Variants in RFX2 observed in about 807,000 individuals in gnomAD.
RFX2 encodes DNA-binding protein RFX2.
In RFX2, 20 loss-of-function variants were observed where a neutral mutation model predicts 87.8. That is an observed-to-expected ratio of 0.23 (90% CI 0.16 to 0.33). The LOEUF (loss-of-function observed/expected upper bound fraction) is 0.33, where lower values mean the gene tolerates loss of function less well. Among genes scored for constraint, RFX2 ranks in the 10% least tolerant of loss-of-function variants. The pLI, the probability that RFX2 is intolerant of heterozygous loss-of-function variation, is 1.00. For missense variants in RFX2, 767 were observed against 1,012.3 expected (o/e 0.76, Z 3.29); for synonymous variants, 397 against 431.3 (o/e 0.92, Z 0.98).
At chr19:6,043,288 C>T (rs640913) in intron 3 of RFX2, among the ~76,000 whole-genome samples, 2 of 152,222 alleles carry the variant, frequency 1.3e-5, no homozygotes, top group East Asian at 1.9e-4. Context: ...TGAGGCCCTG[C>T]GTCCCCGCTG....
chr19:6,108,112 C>T (rs960897775), intron 1 of RFX2, among the ~76,000 whole-genome samples: 2 of 152,212 alleles, frequency 1.3e-5, no homozygotes, highest in African/African-American at 4.8e-5. Context: ...TCATTCCCAA[C>T]CCAAGTCCGT....
chr19:6,015,295 G>T (rs1010986232), intron 7 of RFX2, among the ~76,000 whole-genome samples: 8 of 151,972 alleles, frequency 5.3e-5, no homozygotes, highest in African/African-American at 1.7e-4. Context: ...AGGCGTGCTG[G>T]TGGGGGCCCG....
intron 5 of RFX2, among the ~76,000 whole-genome samples, chr19:6,036,517 C>T (rs1011561092): frequency 1.3e-5 from 2 of 152,192 alleles, no homozygotes; most frequent in Admixed American, 1.3e-4. Flanking sequence ...AACACAGAGA[C>T]AAGGCTAAAC....
chr19:6,015,026 T>A (rs2086706532), intron 7 of RFX2, among the ~76,000 whole-genome samples: 1 of 152,166 alleles, frequency 6.6e-6, no homozygotes, highest in Admixed American at 6.5e-5. Flanking sequence ...TGTTTCTTTC[T>A]GTTAGAGGAG....
chr19:6,053,801 C>A (rs1223841723), intron 1 of RFX2, among the ~76,000 whole-genome samples: 1 of 151,756 alleles, frequency 6.6e-6, no homozygotes, highest in Non-Finnish European at 1.5e-5. Context: ...ACTAAAAACA[C>A]AAAAATGAGC....
At position 6,074,448 on chromosome 19, in the gene RFX2, G is replaced by A. The variant is rs2087657524; in HGVS notation, c.-8-26944C>T. On this transcript the variant is annotated intron_variant, in intron 1 of 17. Coordinates refer to ENST00000303657, the MANE Select transcript of RFX2 (RefSeq NM_000635.4). The surrounding 1 kb of genome is among the most constrained non-coding windows in gnomAD (Gnocchi z 5.2). Reference sequence around the variant, plus strand: ...CTGGGTACAGGGGCTGGGGCTTGAAGGGTGCCCATAACACACTCCCTCAGA... The same window carrying A: ...CTGGGTACAGGGGCTGGGGCTTGAAAGGTGCCCATAACACACTCCCTCAGA... Among the ~76,000 whole-genome samples the A allele has an allele frequency of 6.6e-6, 1 of 152,182 alleles. No individual in the cohort carries two copies. Among genetic ancestry groups the A allele is most frequent in the Non-Finnish European group, 1.5e-5 (1 of 68,022 alleles).
intron 1 of RFX2, among the ~76,000 whole-genome samples, chr19:6,059,609 C>G (rs984631856): frequency 6.6e-6 from 1 of 152,146 alleles, no homozygotes; most frequent in African/African-American, 2.4e-5. Context: ...GCAGCTGGTG[C>G]TCTGTCCCCC....
intron 1 of RFX2, among the ~76,000 whole-genome samples, chr19:6,082,424 G>C (rs1399897538): frequency 6.6e-6 from 1 of 152,036 alleles, no homozygotes; most frequent in Non-Finnish European, 1.5e-5. Context: ...TGTCTATCAG[G>C]GGTTGGAAAG....
intron 6 of RFX2, among the ~76,000 whole-genome samples, chr19:6,018,365 C>T (rs1014357253): frequency 3.3e-5 from 5 of 152,200 alleles, no homozygotes; most frequent in Non-Finnish European, 7.3e-5. Context: ...TCATCTAAGA[C>T]CCACTCGATC....
intron 1 of RFX2, among the ~76,000 whole-genome samples, chr19:6,086,788 TTGTC>T (rs1332278644): frequency 1.3e-5 from 2 of 152,194 alleles, no homozygotes; most frequent in Non-Finnish European, 2.9e-5. Flanking sequence ...CAAAGGGAAT[TTGTC>T]TGTTCTGACC....
chr19:6,102,404 G>A (rs891097750), intron 1 of RFX2, among the ~76,000 whole-genome samples: 4 of 152,382 alleles, frequency 2.6e-5, no homozygotes, highest in South Asian at 2.1e-4. Context: ...AATGAAGATT[G>A]TATGAATGAA....
In RFX2 at chr19:6,092,153, A is replaced by G. The variant is rs575383819; in HGVS notation, c.-9+18240T>C. ...GAATAACTTTATCGAGGATTAGGTC[A>G]CAGGAATTCTGGTTTTAAATTGTTT... On this transcript the variant is annotated intron_variant, in intron 1 of 17. Coordinates refer to ENST00000303657, the MANE Select transcript of RFX2 (RefSeq NM_000635.4). Among the ~76,000 whole-genome samples, 5 of 152,380 alleles carry G rather than the reference A, an allele frequency of 3.3e-5. No individual in the cohort carries two copies. In the East Asian group the frequency reaches 5.8e-4, roughly 18 times the overall value.
chr19:6,043,618 A>C (rs1196819602), intron 3 of RFX2, among the ~76,000 whole-genome samples: 2 of 152,270 alleles, frequency 1.3e-5, no homozygotes, highest in African/African-American at 4.8e-5. Context: ...CTTTTGCGAT[A>C]CAATGGCAGA....
At position 6,004,437 on chromosome 19, in the gene RFX2, C is replaced by T. The variant is rs2086548623; in HGVS notation, c.1403-139G>A. ...ACGAGCCACACAGGCGACGGGGAAC[C>T]GAGGACACTTAGAAACGGGAAGAAC... On this transcript the variant is annotated intron_variant, in intron 12 of 17. Coordinates refer to ENST00000303657, the MANE Select transcript of RFX2 (RefSeq NM_000635.4). This position sits in a 1 kb window ranked among gnomAD's most constrained non-coding sequence, Gnocchi z 4.8. 13 of 699,042 alleles carry T rather than the reference C, an allele frequency of 1.9e-5. No homozygotes were observed. The highest frequency in any genetic ancestry group is 1.7e-4 in the South Asian group (11 of 63,588). The allele number at this position is 699,042 out of a possible 1,614,324, so 43.3% of individuals were successfully genotyped here.
intron 5 of RFX2, among the ~76,000 whole-genome samples, chr19:6,037,371 G>A (rs1044491195): frequency 6.6e-6 from 1 of 150,516 alleles, no homozygotes; most frequent in African/African-American, 2.4e-5. Flanking sequence ...TTAAATCCTA[G>A]AAATGAACAG....
intron 5 of RFX2, among the ~76,000 whole-genome samples, chr19:6,035,652 T>C (rs1486693583): frequency 6.6e-6 from 1 of 152,106 alleles, no homozygotes; most frequent in Non-Finnish European, 1.5e-5. Context: ...AGACATCCAA[T>C]GTTGGGTCCA....
intron 1 of RFX2, among the ~76,000 whole-genome samples, chr19:6,048,109 A>G (rs1425020472): frequency 1.3e-5 from 2 of 152,336 alleles, no homozygotes; most frequent in African/African-American, 2.4e-5. Context: ...GATATTGCCA[A>G]GTGACCCCTG....
At position 6,039,962 on chromosome 19, in the gene RFX2, C is replaced by A; in HGVS notation, c.522+18G>T. 4 of 1,539,376 alleles carry A rather than the reference C, an allele frequency of 2.6e-6. No homozygotes were observed. The highest frequency in any genetic ancestry group is 3.5e-6 in the Non-Finnish European group (4 of 1,134,308). ...TACTCATGGCCTACCCTGCTGGTCC[C>A]AAGAGCCTCCTACATACCGTGGCGG... is the stretch of plus-strand genomic sequence containing the variant. On this transcript the variant is annotated intron_variant, in intron 5 of 17. Transcript: ENST00000303657. This position sits in a 1 kb window ranked among gnomAD's most constrained non-coding sequence, Gnocchi z 5.2.
intron 5 of RFX2, among the ~76,000 whole-genome samples, chr19:6,031,538 T>G (rs1324510046): frequency 7.0e-6 from 1 of 143,650 alleles, no homozygotes; most frequent in African/African-American, 2.5e-5. Context: ...CAAGCAATTC[T>G]CCTGCCTCAG....
Sources: gnomAD v4.1 joint callset for allele counts (sites outside exome capture counted in the v4.1 genomes callset) on GRCh38, gnomAD v4.1.1 for gene constraint, Gnocchi (gnomAD v3.1) non-coding constraint, MANE v1.5 for transcripts, NCBI Gene and HGNC (gene_info 2026-07-23, HGNC 2026-07-21) for gene names.